COG5: variants seen among roughly 807,000 people sequenced by gnomAD.
The protein encoded by COG5 is component of oligomeric golgi complex 5.
A neutral mutation model predicts 110.4 loss-of-function variants in COG5; 86 were observed. That is an observed-to-expected ratio of 0.78 (90% CI 0.65 to 0.93). The LOEUF (loss-of-function observed/expected upper bound fraction) is 0.93, where lower values mean the gene tolerates loss of function less well. COG5 is among the 40% of genes least tolerant of loss of function. The pLI is 0.00. For missense variants in COG5, 1,077 were observed against 987.0 expected (o/e 1.09, Z -1.22); for synonymous variants, 360 against 334.6 (o/e 1.08, Z -0.83).
At chr7:107,285,117 C>T (rs1805516018) in intron 12 of COG5, among the ~76,000 whole-genome samples, 1 of 152,168 alleles carries the variant, frequency 6.6e-6, no homozygotes, top group African/African-American at 2.4e-5. Flanking sequence ...GCACCAGGCA[C>T]TTTGTAAAGT....
Position 107,314,186 on chromosome 7 carries a change from T to C in COG5, c.1108+10254A>G, listed in dbSNP as rs150583809. 2.8e-4 allele frequency among the ~76,000 whole-genome samples: 43 copies of C among 152,032 alleles called. No individual in the cohort carries two copies. The East Asian group carries it at 4.1e-3, about 14-fold the overall frequency. Reference sequence around the variant, plus strand: ...TGATTTTATCTGTATAAAAGAAAAATAACAATTTTAAAAAATTCCATTAGA... The same window carrying C: ...TGATTTTATCTGTATAAAAGAAAAACAACAATTTTAAAAAATTCCATTAGA... On this transcript the variant is annotated intron_variant, in intron 11 of 21. Transcript: ENST00000297135.
intron 10 of COG5, among the ~76,000 whole-genome samples, chr7:107,361,179 T>C (rs1173271605): frequency 2.6e-5 from 4 of 152,198 alleles, no homozygotes; most frequent in African/African-American, 2.4e-5. Context: ...CATTATCCTA[T>C]GAATCATTAT....
intron 6 of COG5, among the ~76,000 whole-genome samples, chr7:107,417,396 C>T (rs994098366): frequency 2.0e-5 from 3 of 152,058 alleles, no homozygotes; most frequent in African/African-American, 4.8e-5. Flanking sequence ...TACCCTAAGA[C>T]GGTCCTTATA....
chr7:107,562,687 T>C (rs1803955810), intron 1 of COG5, among the ~76,000 whole-genome samples: 1 of 152,222 alleles, frequency 6.6e-6, no homozygotes, highest in Non-Finnish European at 1.5e-5. Context: ...GTTTCCAACA[T>C]GAAATAGTTC....
At chr7:107,309,170 A>C (rs1393036472) in intron 11 of COG5, among the ~76,000 whole-genome samples, 2 of 152,006 alleles carry the variant, frequency 1.3e-5, no homozygotes, top group Non-Finnish European at 2.9e-5. Context: ...CTTCACTTTG[A>C]TCTCATTCAC....
At chr7:107,394,125 C>G (rs904545760) in intron 7 of COG5, among the ~76,000 whole-genome samples, 3 of 151,976 alleles carry the variant, frequency 2.0e-5, no homozygotes, top group African/African-American at 7.3e-5. Flanking sequence ...CCACGCCCAG[C>G]TAATTTTTTT....
rs542963926 is a variant in COG5, at chr7:107,538,455, C to G, written c.417+9656G>C. Among the ~76,000 whole-genome samples, 4 of 152,262 alleles carry G rather than the reference C, an allele frequency of 2.6e-5. No homozygotes were observed. The East Asian group carries it at 7.7e-4, about 29-fold the overall frequency. Reference sequence around the variant, plus strand: ...ACCCCTCTCTGCAGCAGAGAGAGCTCTTCTCTTTCTTTCGCCTATTAAACT... The same window carrying G: ...ACCCCTCTCTGCAGCAGAGAGAGCTGTTCTCTTTCTTTCGCCTATTAAACT... On this transcript the variant is annotated intron_variant, in intron 5 of 21. Transcript: ENST00000297135.
intron 6 of COG5, among the ~76,000 whole-genome samples, chr7:107,518,182 C>T (rs1167787014): frequency 6.6e-6 from 1 of 152,110 alleles, no homozygotes; most frequent in Non-Finnish European, 1.5e-5. Flanking sequence ...AAGGAAAAAC[C>T]AGTACCAGCC....
At chr7:107,288,909 T>TAGATAG (rs1472755951) in intron 12 of COG5, among the ~76,000 whole-genome samples, 1 of 2,984 alleles carries the variant, frequency 3.4e-4, no homozygotes, top group Non-Finnish European at 1.2e-3. Context: ...CTAACAGAGA[T>TAGATAG]ATATATATAT....
intron 6 of COG5, chr7:107,471,972 T>C (rs1004165862): frequency 1.3e-5 from 2 of 152,048 alleles, no homozygotes; most frequent in Non-Finnish European, 1.5e-5. Flanking sequence ...AGCACTGCTA[T>C]TAAAAACAGA....
intron 6 of COG5, among the ~76,000 whole-genome samples, chr7:107,508,963 C>T (rs942455822): frequency 1.3e-5 from 2 of 152,038 alleles, no homozygotes; most frequent in Admixed American, 1.3e-4. Flanking sequence ...AAAGCAGAAA[C>T]ACTGGAAACC....
intron 16 of COG5, among the ~76,000 whole-genome samples, chr7:107,256,400 T>C (rs1356052407): frequency 6.6e-6 from 1 of 152,108 alleles, no homozygotes; most frequent in Non-Finnish European, 1.5e-5. Context: ...AAATGTCACC[T>C]GGGGACAAAA....
intron 6 of COG5, chr7:107,475,254 T>C (rs1412126264): frequency 6.2e-7 from 1 of 1,604,714 alleles, no homozygotes; most frequent in Non-Finnish European, 8.5e-7. Flanking sequence ...TGCCTAATAA[T>C]GCTGTAATAC....
intron 5 of COG5, among the ~76,000 whole-genome samples, chr7:107,534,838 C>T (rs975857390): frequency 4.0e-5 from 6 of 151,558 alleles, no homozygotes; most frequent in African/African-American, 1.2e-4. Context: ...ATCTACAGAA[C>T]TCTCCACCCC....
chr7:107,483,536 C>T (rs1797469769), intron 6 of COG5, among the ~76,000 whole-genome samples: 1 of 151,922 alleles, frequency 6.6e-6, no homozygotes, highest in Admixed American at 6.6e-5. Flanking sequence ...AGAAACCTGT[C>T]TCTACTAAAA....
chr7:107,502,271 C>T (rs1315177924), intron 6 of COG5, among the ~76,000 whole-genome samples: 1 of 152,050 alleles, frequency 6.6e-6, no homozygotes, highest in Non-Finnish European at 1.5e-5. Flanking sequence ...ATGTTTAGTT[C>T]TCCATTCCTG....
chr7:107,461,078 T>C (rs538770170), intron 6 of COG5, among the ~76,000 whole-genome samples: 2 of 152,102 alleles, frequency 1.3e-5, no homozygotes, highest in South Asian at 4.1e-4. Flanking sequence ...AAAAAGAACA[T>C]CTTTCAACTC....
intron 10 of COG5, among the ~76,000 whole-genome samples, chr7:107,357,628 A>C (rs1158445513): frequency 6.6e-6 from 1 of 152,134 alleles, no homozygotes; most frequent in African/African-American, 2.4e-5. Context: ...ATCCTTTTTA[A>C]TCAGTAATGA....
intron 11 of COG5, among the ~76,000 whole-genome samples, chr7:107,309,152 C>T (rs890986781): frequency 2.0e-5 from 3 of 151,880 alleles, no homozygotes; most frequent in Admixed American, 1.3e-4. Context: ...GAAAAAAATA[C>T]ATCATCACTT....
Sources: gnomAD v4.1 joint callset for allele counts (sites outside exome capture counted in the v4.1 genomes callset) on GRCh38, gnomAD v4.1.1 for gene constraint, MANE v1.5 for transcripts, NCBI Gene and HGNC (gene_info 2026-07-23, HGNC 2026-07-21) for gene names.